The following RARA variants were observed in gnomAD, a reference collection of about 807,000 sequenced individuals.
The protein encoded by RARA is retinoic acid receptor alpha.
In RARA, 5 loss-of-function variants were observed where a neutral mutation model predicts 42.8. That is an observed-to-expected ratio of 0.12 (90% CI 0.06 to 0.25). The LOEUF (loss-of-function observed/expected upper bound fraction) is 0.25, where lower values mean the gene tolerates loss of function less well. RARA is among the 10% of genes least tolerant of loss of function. The probability of loss-of-function intolerance (pLI) is 1.00; values close to 1 mark genes in which losing one functional copy is unlikely to be tolerated. For synonymous variants in RARA, 256 were observed against 259.5 expected, an observed-to-expected ratio of 0.99 and a Z score of 0.13; for missense variants, 402 against 628.7, an observed-to-expected ratio of 0.64 and a Z score of 3.86.
chr17:40,342,889 T>A, intron 2 of RARA: 2 of 1,603,552 alleles, frequency 1.2e-6, no homozygotes, highest in East Asian at 2.2e-5. Flanking sequence ...CCTCTCAGTC[T>A]GCTGTTGTAG....
At chr17:40,344,409 G>T (rs1310690288) in intron 2 of RARA, among the ~76,000 whole-genome samples, 1 of 152,118 alleles carries the variant, frequency 6.6e-6, no homozygotes, top group African/African-American at 2.4e-5. Context: ...TCCCCTAGGG[G>T]GATAGTTGGA....
chr17:40,340,876 C>T (rs537208311), intron 2 of RARA: 2 of 400,080 alleles, frequency 5.0e-6, no homozygotes, highest in Non-Finnish European at 8.8e-6. Flanking sequence ...GTTCAAATAC[C>T]TGCTCTACTC....
intron 1 of RARA, among the ~76,000 whole-genome samples, chr17:40,322,266 G>T (rs887028097): frequency 4.6e-5 from 7 of 151,858 alleles, no homozygotes; most frequent in Admixed American, 3.3e-4. Flanking sequence ...AGCACAAAAG[G>T]CAGGGGAGAA....
At chr17:40,310,028 AG>A (rs1394710652) in intron 1 of RARA, among the ~76,000 whole-genome samples, 1 of 152,142 alleles carries the variant, frequency 6.6e-6, no homozygotes, top group Non-Finnish European at 1.5e-5. Context: ...GGGATACCAG[AG>A]TGTGGCCCAG....
At chr17:40,336,971 T>G (rs922785043) in intron 2 of RARA, among the ~76,000 whole-genome samples, 5 of 152,252 alleles carry the variant, frequency 3.3e-5, no homozygotes, top group African/African-American at 1.2e-4. Context: ...GTGCTGGGAT[T>G]ACAGGCATCA....
intron 2 of RARA, among the ~76,000 whole-genome samples, chr17:40,336,244 A>T (rs2033846943): frequency 1.3e-5 from 2 of 151,762 alleles, no homozygotes; most frequent in African/African-American, 4.8e-5. Flanking sequence ...TGCTGGACTA[A>T]TTTTTTTGTA....
At chr17:40,339,161 G>T (rs1259827998) in intron 2 of RARA, among the ~76,000 whole-genome samples, 1 of 152,218 alleles carries the variant, frequency 6.6e-6, no homozygotes, top group Non-Finnish European at 1.5e-5. Context: ...GATAGTGAGG[G>T]GCAGGGTAGA....
chr17:40,342,956 T>C, intron 2 of RARA: 1 of 1,514,948 alleles, frequency 6.6e-7, no homozygotes, highest in Non-Finnish European at 8.8e-7. Flanking sequence ...AGTCCCGGGG[T>C]GTAGTGGAGG....
chr17:40,309,931 C>T (rs2033065356), intron 1 of RARA, among the ~76,000 whole-genome samples: 1 of 152,164 alleles, frequency 6.6e-6, no homozygotes, highest in Admixed American at 6.5e-5. Flanking sequence ...GCCCCCCGAC[C>T]CCACCTGTGT....
In RARA at chr17:40,356,698, C is replaced by T. The variant is rs919814609; in HGVS notation, c.*472C>T. On this transcript the variant is annotated 3_prime_UTR_variant, in exon 9 of 9. Coordinates refer to ENST00000254066, the MANE Select transcript of RARA (RefSeq NM_000964.4). ...GGCGGGGGGTTCCCCCTGTACATAC[C>T]CTGCCATACCAACCCCAGGTATTAA... 1 of 541,144 alleles carries T rather than the reference C, an allele frequency of 1.8e-6. No individual in the cohort carries two copies. The allele number at this position is 541,144 out of a possible 1,614,324, so 33.5% of individuals were successfully genotyped here.
intron 1 of RARA, among the ~76,000 whole-genome samples, chr17:40,325,743 T>A (rs1232585793): frequency 5.9e-5 from 9 of 152,264 alleles, no homozygotes; most frequent in East Asian, 3.9e-4. Context: ...ACCCCCAGTC[T>A]CCCCTTCTTT....
At chr17:40,313,249 G>A (rs373019349) in intron 1 of RARA, among the ~76,000 whole-genome samples, 1 of 152,158 alleles carries the variant, frequency 6.6e-6, no homozygotes, top group African/African-American at 2.4e-5. Flanking sequence ...AGGACCTGTG[G>A]GTCATGGTGG....
In RARA at chr17:40,318,988, A is replaced by G. The variant is rs933447795; in HGVS notation, c.-363+9702A>G. Among the ~76,000 whole-genome samples, 8 of 152,264 alleles carry G rather than the reference A, an allele frequency of 5.3e-5. 1 individual carries two copies. In the South Asian group the frequency reaches 8.3e-4, roughly 16 times the overall value. ...CCGTCAGAATTGGGTGCGGGAGCCA[A>G]TGCAGTATGTGTGTAGGGGTGTTCC... On this transcript the variant is annotated intron_variant, in intron 1 of 8. Coordinates refer to ENST00000254066, the MANE Select transcript of RARA (RefSeq NM_000964.4).
chr17:40,315,136 A>ATGTGTG (rs1386918308), intron 1 of RARA, among the ~76,000 whole-genome samples: 4 of 47,546 alleles, frequency 8.4e-5, no homozygotes, highest in African/African-American at 2.7e-4. Context: ...ATATGTGTAT[A>ATGTGTG]TATATATATA....
At chr17:40,347,023 TAGTC>T (rs1201734967) in intron 2 of RARA, among the ~76,000 whole-genome samples, 1 of 152,200 alleles carries the variant, frequency 6.6e-6, no homozygotes, top group Non-Finnish European at 1.5e-5. Context: ...TGGTAGCACA[TAGTC>T]AGCCCCTGGT....
At chr17:40,342,628 G>C in intron 2 of RARA, 3 of 1,540,012 alleles carry the variant, frequency 1.9e-6, no homozygotes, top group South Asian at 1.2e-5. Flanking sequence ...TGCTCTGCTC[G>C]GATGGCGCCG....
chr17:40,310,905 C>G (rs2033082392), intron 1 of RARA, among the ~76,000 whole-genome samples: 1 of 152,088 alleles, frequency 6.6e-6, no homozygotes, highest in African/African-American at 2.4e-5. Flanking sequence ...GTTTTCTTCC[C>G]CCATCCTTTG....
intron 2 of RARA, among the ~76,000 whole-genome samples, chr17:40,344,226 A>G (rs1353934825): frequency 6.6e-6 from 1 of 151,984 alleles, no homozygotes; most frequent in Non-Finnish European, 1.5e-5. Flanking sequence ...AGCCACTTCT[A>G]TCCCAGCTTT....
intron 1 of RARA, among the ~76,000 whole-genome samples, chr17:40,313,804 C>T (rs1253370930): frequency 6.6e-6 from 1 of 152,120 alleles, no homozygotes; most frequent in African/African-American, 2.4e-5. Flanking sequence ...GTTTCTGTGT[C>T]TCTTGGGGGC....
Sources: gnomAD v4.1 joint callset for allele counts (sites outside exome capture counted in the v4.1 genomes callset) on GRCh38, gnomAD v4.1.1 for gene constraint, MANE v1.5 for transcripts, NCBI Gene and HGNC (gene_info 2026-07-23, HGNC 2026-07-21) for gene names.